NAPG: variants seen among roughly 807,000 people sequenced by gnomAD.
NAPG encodes the protein gamma-soluble NSF attachment protein.
A neutral mutation model predicts 48.4 loss-of-function variants in NAPG; 25 were observed. That is an observed-to-expected ratio of 0.52 (90% CI 0.38 to 0.72). NAPG has a LOEUF of 0.72. Ranked by LOEUF, NAPG falls within the 30% of genes least tolerant of loss-of-function variation. The probability of loss-of-function intolerance (pLI) is 0.00; values close to 1 mark genes in which losing one functional copy is unlikely to be tolerated. For missense variants in NAPG, 359 were observed against 372.5 expected, an observed-to-expected ratio of 0.96 and a Z score of 0.30; for synonymous variants, 139 against 127.2, an observed-to-expected ratio of 1.09 and a Z score of -0.62.
rs934874524 is a variant in NAPG, at chr18:10,551,815, A to T, written c.*1595A>T. On this transcript the variant is annotated 3_prime_UTR_variant, in exon 12 of 12. Transcript: ENST00000322897. ...GCGTGGATGTTGGTATACAGTCTTT[A>T]TTGTAAGTCTGATACAAAATGCTAA... 1 of 152,206 alleles carries T rather than the reference A, an allele frequency of 6.6e-6. No individual in the cohort carries two copies. The highest frequency in any genetic ancestry group is 1.5e-5 in the Non-Finnish European group (1 of 68,032). 9.4% of individuals were successfully genotyped at this position (152,206 alleles called of 1,614,324 possible).
Position 10,539,427 on chromosome 18 carries a change from C to A in NAPG, c.259-335C>A. 4.6e-6 allele frequency: 1 copy of A among 219,400 alleles called. No individual in the cohort carries two copies. The highest frequency in any genetic ancestry group is 7.5e-5 in the South Asian group (1 of 13,406). 13.6% of individuals were successfully genotyped at this position (219,400 alleles called of 1,614,324 possible). ...AAACACAGGAACAGAAAACCAAACA[C>A]CGCATGTTCTCACTCATACGTGGGA... On this transcript the variant is annotated intron_variant, in intron 5 of 11. Coordinates refer to ENST00000322897, the MANE Select transcript of NAPG (RefSeq NM_003826.3). The surrounding 1 kb of genome is among the most constrained non-coding windows in gnomAD (Gnocchi z 4.7).
intron 1 of NAPG, 153 bp downstream of exon 1, chr18:10,526,311 C>G (rs1391645742): frequency 4.2e-6 from 3 of 707,876 alleles, no homozygotes; most frequent in Non-Finnish European, 7.1e-6. Context: ...TCGGTGTCCT[C>G]TGGGTCACAC....
intron 9 of NAPG, among the ~76,000 whole-genome samples, chr18:10,547,726 G>A (rs1046426572): frequency 2.0e-5 from 3 of 152,092 alleles, no homozygotes; most frequent in Non-Finnish European, 4.4e-5. Context: ...GACACCAAAA[G>A]ATGGAAAAAT....
chr18:10,532,492 TAAA>T (rs1050250102), intron 2 of NAPG, among the ~76,000 whole-genome samples: 2 of 152,112 alleles, frequency 1.3e-5, no homozygotes, highest in African/African-American at 4.8e-5. Context: ...AGTCAACAAT[TAAA>T]AAAGAAAAAG....
chr18:10,526,030 T>G lies in NAPG; in HGVS notation c.-73T>G. 4 of 1,454,414 alleles carry G rather than the reference T, an allele frequency of 2.8e-6. No individual in the cohort carries two copies. The highest frequency in any genetic ancestry group is 3.9e-6 in the Non-Finnish European group (4 of 1,038,450). The allele number at this position is 1,454,414 out of a possible 1,614,324, so 90.1% of individuals were successfully genotyped here. A position where few individuals can be genotyped will look rare whatever the true frequency, so the allele number is the denominator to read the frequency against. On this transcript the variant is annotated 5_prime_UTR_variant, in exon 1 of 12. Coordinates refer to ENST00000322897, the MANE Select transcript of NAPG (RefSeq NM_003826.3). The stretch of plus-strand genomic sequence containing the variant: ...TTCCTCCTCGGCGTTCCCACGCCTA[T>G]TTGGGCGGATTCTTGGCGCCGGAGG...
chr18:10,542,300 G>A lies in NAPG; in HGVS notation c.506+1901G>A, dbSNP rs890423320. Among the ~76,000 whole-genome samples the A allele has an allele frequency of 1.3e-5, 2 of 151,462 alleles. No individual in the cohort carries two copies. Among genetic ancestry groups the A allele is most frequent in the Admixed American group, 6.6e-5 (1 of 15,206 alleles). ...CTACTGTGCTCAACAAAAATGTTATGGAAATATATTTTTGAAGTGTATTAA... is the reference window on the plus strand; with the variant it reads ...CTACTGTGCTCAACAAAAATGTTATAGAAATATATTTTTGAAGTGTATTAA... On this transcript the variant is annotated intron_variant, in intron 8 of 11. Transcript: ENST00000322897. The surrounding 1 kb of genome is among the most constrained non-coding windows in gnomAD (Gnocchi z 4.5).
intron 1 of NAPG, 71 bp from the exon 2 acceptor site, chr18:10,530,699 T>G: frequency 1.1e-6 from 1 of 871,230 alleles, no homozygotes; most frequent in Non-Finnish European, 1.6e-6. Context: ...ACCTAGAAGG[T>G]CATTACAAGC....
Position 10,550,294 on chromosome 18 carries a change from A to G in NAPG, c.*74A>G. Reference sequence around the variant, plus strand: ...TGCCATTTCAAGGACTTGGGAATAGATTAGGGATATCCGTACTTCATTACA... The same window carrying G: ...TGCCATTTCAAGGACTTGGGAATAGGTTAGGGATATCCGTACTTCATTACA... On this transcript the variant is annotated 3_prime_UTR_variant, in exon 12 of 12. Transcript: ENST00000322897. 1 of 1,456,440 alleles carries G rather than the reference A, an allele frequency of 6.9e-7. No homozygotes were observed. Among genetic ancestry groups the G allele is most frequent in the Non-Finnish European group, 9.1e-7 (1 of 1,094,446 alleles). 90.2% of individuals were successfully genotyped at this position (1,456,440 alleles called of 1,614,324 possible). A position where few individuals can be genotyped will look rare whatever the true frequency, so the allele number is the denominator to read the frequency against.
At chr18:10,529,163 T>C (rs2031879222) in intron 1 of NAPG, among the ~76,000 whole-genome samples, 1 of 152,234 alleles carries the variant, frequency 6.6e-6, no homozygotes, top group Admixed American at 6.5e-5. Context: ...TATAGCACAT[T>C]AGGTGACGGA....
At chr18:10,530,897 C>A in intron 2 of NAPG, 60 bp downstream of exon 2, 2 of 1,273,758 alleles carry the variant, frequency 1.6e-6, no homozygotes, top group African/African-American at 1.5e-5. Flanking sequence ...CTGATAACTT[C>A]ATTTCACCAT....
At position 10,552,311 on chromosome 18, in the gene NAPG, T is replaced by C. The variant is rs1349216666; in HGVS notation, c.*2091T>C. 3 of 152,244 alleles carry C rather than the reference T, an allele frequency of 2.0e-5. No homozygotes were observed. The highest frequency in any genetic ancestry group is 4.8e-5 in the African/African-American group (2 of 41,466). 9.4% of individuals were successfully genotyped at this position (152,244 alleles called of 1,614,324 possible). Reference sequence around the variant, plus strand: ...TCACCCTTCCTGCCCACGGTGAGGATTGAATAACCAGGACTTGGGGATATT... The same window carrying C: ...TCACCCTTCCTGCCCACGGTGAGGACTGAATAACCAGGACTTGGGGATATT... On this transcript the variant is annotated 3_prime_UTR_variant, in exon 12 of 12. Transcript: ENST00000322897.
In NAPG at chr18:10,546,225, C is replaced by T; in HGVS notation, c.507-101C>T. On this transcript the variant is annotated intron_variant, in intron 8 of 11. Transcript: ENST00000322897. The surrounding 1 kb of genome is among the most constrained non-coding windows in gnomAD (Gnocchi z 4.0). ...GCAGCTGCTAATAATACCTGTCCTCCTGGTGTCTCTACAATCTATGATGTC... is the reference window on the plus strand; with the variant it reads ...GCAGCTGCTAATAATACCTGTCCTCTTGGTGTCTCTACAATCTATGATGTC... 1 of 633,300 alleles carries T rather than the reference C, an allele frequency of 1.6e-6. No homozygotes were observed. The highest frequency in any genetic ancestry group is 2.5e-6 in the Non-Finnish European group (1 of 394,128). The allele number at this position is 633,300 out of a possible 1,614,324, so 39.2% of individuals were successfully genotyped here. A position where few individuals can be genotyped will look rare whatever the true frequency, so the allele number is the denominator to read the frequency against.
At chr18:10,538,309 T>C (rs1297885674) in intron 5 of NAPG, among the ~76,000 whole-genome samples, 1 of 152,204 alleles carries the variant, frequency 6.6e-6, no homozygotes, top group Non-Finnish European at 1.5e-5. Context: ...AGGAGGTGCA[T>C]GCTCATGTGG....
Position 10,544,610 on chromosome 18 carries a change from G to A in NAPG, c.507-1716G>A, listed in dbSNP as rs528202420. Among the ~76,000 whole-genome samples, 122 of 152,228 alleles carry A rather than the reference G, an allele frequency of 8.0e-4. 1 individual carries two copies. The highest frequency in any genetic ancestry group is 6.8e-3 in the Middle Eastern group (2 of 294). On this transcript the variant is annotated intron_variant, in intron 8 of 11. Transcript: ENST00000322897. The surrounding 1 kb of genome is among the most constrained non-coding windows in gnomAD (Gnocchi z 5.1). ...TACTCTGGCCTCTAACTTAAGGAAG[G>A]GCCCACCTGATTAAGTCAGGCCCAC...
rs539570425 is a variant in NAPG at position 10,542,629 on chromosome 18, TAGAC to T, written c.506+2231_506+2234del. ...GCTTCACACAAGCAACATCTACTAA[TAGAC>T]TGTGTGGCATGGAGTCTAAAGTTTT... is the stretch of plus-strand genomic sequence containing the variant. On this transcript the variant is annotated intron_variant, in intron 8 of 11. Coordinates refer to ENST00000322897, the MANE Select transcript of NAPG (RefSeq NM_003826.3). This position sits in a 1 kb window ranked among gnomAD's most constrained non-coding sequence, Gnocchi z 4.5. Among the ~76,000 whole-genome samples the T allele has an allele frequency of 1.5e-3, 236 of 152,362 alleles. 1 individual carries two copies. The highest frequency in any genetic ancestry group is 5.4e-3 in the African/African-American group (225 of 41,594).
In NAPG at chr18:10,530,188, CTTTTTTTTTTTTTTTTT is replaced by C. The variant is rs58597079; in HGVS notation, c.57-569_57-553del. On this transcript the variant is annotated intron_variant, in intron 1 of 11. Coordinates refer to ENST00000322897, the MANE Select transcript of NAPG (RefSeq NM_003826.3). ...CTTGTTTATGGGTGGCGAGTTTTCA[CTTTTTTTTTTTTTTTTT>C]TTTTTTTTTTTTGCCTACTTCCTCT... Among the ~76,000 whole-genome samples the C allele has an allele frequency of 1.3e-3, 88 of 67,336 alleles. 1 individual carries two copies. The highest frequency in any genetic ancestry group is 3.1e-4 in the Non-Finnish European group (11 of 35,202). The allele number at this position is 67,336 out of a possible 152,430, so 44.2% of individuals were successfully genotyped here. A position where few individuals can be genotyped will look rare whatever the true frequency, so the allele number is the denominator to read the frequency against.
chr18:10,526,172 T>C lies in NAPG; in HGVS notation c.56+14T>C. 6.4e-7 allele frequency: 1 copy of C among 1,563,944 alleles called. No homozygotes were observed. The highest frequency in any genetic ancestry group is 8.7e-7 in the Non-Finnish European group (1 of 1,149,442). ...AGCAGAGAAATAGTGAGTGAGAACC[T>C]TCCGGGGGCCTGTGTGTAGACGCCG... On this transcript the variant is annotated intron_variant, in intron 1 of 11. Coordinates refer to ENST00000322897, the MANE Select transcript of NAPG (RefSeq NM_003826.3).
Position 10,534,385 on chromosome 18 carries a change from A to G in NAPG, c.228-81A>G, listed in dbSNP as rs145278673. On this transcript the variant is annotated intron_variant, in intron 4 of 11. Coordinates refer to ENST00000322897, the MANE Select transcript of NAPG (RefSeq NM_003826.3). The surrounding 1 kb of genome is among the most constrained non-coding windows in gnomAD (Gnocchi z 5.0). ...CATTGTAATTGAAGTCACTTTCCTTACCAGTAGTTCCTCACCAGAAAGTTT... is the reference window on the plus strand; with the variant it reads ...CATTGTAATTGAAGTCACTTTCCTTGCCAGTAGTTCCTCACCAGAAAGTTT... 768 of 1,170,832 alleles carry G rather than the reference A, an allele frequency of 6.6e-4. 2 individuals are homozygous for G. In the African/African-American group the frequency reaches 9.3e-3, roughly 14 times the overall value. 72.5% of individuals were successfully genotyped at this position (1,170,832 alleles called of 1,614,324 possible).
chr18:10,546,815 C>T lies in NAPG; in HGVS notation c.585+411C>T, dbSNP rs1214790711. On this transcript the variant is annotated intron_variant, in intron 9 of 11. Transcript: ENST00000322897. The surrounding 1 kb of genome is among the most constrained non-coding windows in gnomAD (Gnocchi z 4.0). ...CAACAATGAAAACTCCAAAAGAAAC[C>T]CCGCCTTTCTAACCAGCAATGGGAG... Among the ~76,000 whole-genome samples the T allele has an allele frequency of 6.6e-6, 1 of 152,134 alleles. No homozygotes were observed. The highest frequency in any genetic ancestry group is 1.9e-4 in the East Asian group (1 of 5,200).
Sources: allele counts gnomAD v4.1 joint callset (sites outside exome capture counted in the v4.1 genomes callset), GRCh38; gene constraint gnomAD v4.1.1; non-coding constraint Gnocchi (gnomAD v3.1); transcripts MANE v1.5; gene names NCBI Gene and HGNC (gene_info 2026-07-23, HGNC 2026-07-21).